Variants in OTOGL observed in about 807,000 individuals in gnomAD.
OTOGL encodes the protein otogelin-like protein.
A neutral mutation model predicts 318.5 loss-of-function variants in OTOGL; 285 were observed. That is an observed-to-expected ratio of 0.89 (90% CI 0.81 to 0.99). OTOGL has a LOEUF of 0.99. OTOGL is among the 50% of genes least tolerant of loss of function. OTOGL has a pLI of 0.00. For synonymous variants in OTOGL, 987 were observed against 936.5 expected, an observed-to-expected ratio of 1.05 and a Z score of -0.99; for missense variants, 2,899 against 2,845.6, an observed-to-expected ratio of 1.02 and a Z score of -0.43.
At chr12:80,275,615 G>A (rs1883743709) in intron 24 of OTOGL, among the ~76,000 whole-genome samples, 1 of 151,776 alleles carries the variant, frequency 6.6e-6, no homozygotes, top group Non-Finnish European at 1.5e-5. Context: ...GAAAATTTTA[G>A]GTAAAACACT....
intron 1 of OTOGL, among the ~76,000 whole-genome samples, chr12:80,181,159 G>A (rs1874891492): frequency 6.6e-6 from 1 of 152,106 alleles, no homozygotes; most frequent in African/African-American, 2.4e-5. Context: ...AATTAGTTTA[G>A]ATCCTTTGTT....
intron 26 of OTOGL, among the ~76,000 whole-genome samples, chr12:80,282,326 G>T (rs1884292351): frequency 6.6e-6 from 1 of 151,746 alleles, no homozygotes; most frequent in African/African-American, 2.4e-5. Flanking sequence ...TTTTATATTA[G>T]TTCTGTTACA....
chr12:80,127,392 A>G (rs1278947320), intron 1 of OTOGL, among the ~76,000 whole-genome samples: 3 of 152,164 alleles, frequency 2.0e-5, no homozygotes, highest in South Asian at 4.1e-4. Flanking sequence ...TGTCTTGTAG[A>G]GTTTCTGCCG....
intron 1 of OTOGL, among the ~76,000 whole-genome samples, chr12:80,132,993 T>C (rs1169079374): frequency 6.6e-6 from 1 of 152,204 alleles, no homozygotes; most frequent in Non-Finnish European, 1.5e-5. Flanking sequence ...TTACTTTTGT[T>C]TAAAAAGTGC....
intron 32 of OTOGL, among the ~76,000 whole-genome samples, chr12:80,316,187 T>C (rs150797642): frequency 6.6e-6 from 1 of 152,282 alleles, no homozygotes; most frequent in Non-Finnish European, 1.5e-5. Context: ...ATGACCTCCA[T>C]GCTACGTGGC....
chr12:80,228,791 C>A (rs1879107118), intron 7 of OTOGL, among the ~76,000 whole-genome samples: 1 of 151,700 alleles, frequency 6.6e-6, no homozygotes, highest in African/African-American at 2.4e-5. Flanking sequence ...ATGTGTCTGG[C>A]AATAAATAAA....
intron 19 of OTOGL, among the ~76,000 whole-genome samples, chr12:80,263,279 C>A (rs972019745): frequency 2.6e-5 from 4 of 152,150 alleles, no homozygotes; most frequent in African/African-American, 9.6e-5. Flanking sequence ...CCTCCTTCAA[C>A]TACTCTTGTT....
chr12:80,203,567 T>A (rs1462870900), intron 1 of OTOGL, among the ~76,000 whole-genome samples: 1 of 152,174 alleles, frequency 6.6e-6, no homozygotes, highest in Non-Finnish European at 1.5e-5. Context: ...GAACAGAAGC[T>A]GTGAGTGGGA....
In OTOGL at chr12:80,377,207, G is replaced by A. The variant is rs749053847; in HGVS notation, c.6861+5G>A. The stretch of plus-strand genomic sequence containing the variant: ...GACTGTATGAGCCAAAGCCCTGTAA[G>A]TGGAAAAATGTCATTTGCTACATAA... On this transcript the variant is annotated splice_donor_5th_base_variant and intron_variant, in intron 58 of 58. Coordinates refer to ENST00000547103, the MANE Select transcript of OTOGL (RefSeq NM_001378609.3). 2 of 1,584,384 alleles carry A rather than the reference G, an allele frequency of 1.3e-6. No homozygotes were observed. The highest frequency in any genetic ancestry group is 2.3e-5 in the East Asian group (1 of 44,340).
intron 45 of OTOGL, 84 bp downstream of exon 45, chr12:80,352,520 T>C (rs1889617040): frequency 8.6e-7 from 1 of 1,162,912 alleles, no homozygotes; most frequent in Non-Finnish European, 1.2e-6. Context: ...TTCTTTTTTA[T>C]CATGAACTAA....
At chr12:80,297,416 C>T (rs1012237417) in intron 27 of OTOGL, among the ~76,000 whole-genome samples, 3 of 151,576 alleles carry the variant, frequency 2.0e-5, no homozygotes, top group African/African-American at 4.9e-5. Context: ...ACCTCAACCT[C>T]CGCCTCCTGG....
intron 43 of OTOGL, 96 bp from the exon 44 acceptor site, chr12:80,341,852 C>A: frequency 2.4e-6 from 2 of 828,974 alleles, no homozygotes; most frequent in South Asian, 1.9e-5. Context: ...TATGGTAAAT[C>A]ATTTGTTCAT....
chr12:80,300,883 G>T (rs1228213306), intron 27 of OTOGL, among the ~76,000 whole-genome samples: 1 of 152,166 alleles, frequency 6.6e-6, no homozygotes. Flanking sequence ...TAGTCAGTGA[G>T]GGTGGGGATT....
intron 2 of OTOGL, 102 bp from the exon 3 acceptor site, chr12:80,210,745 G>C: frequency 1.1e-6 from 1 of 898,198 alleles, no homozygotes; most frequent in Non-Finnish European, 1.6e-6. Context: ...ACTTCAATCA[G>C]AATTTTAGAA....
At chr12:80,296,632 A>C (rs1281781851) in intron 26 of OTOGL, among the ~76,000 whole-genome samples, 195 bp from the exon 27 acceptor site, 1 of 152,198 alleles carries the variant, frequency 6.6e-6, no homozygotes, top group East Asian at 1.9e-4. Flanking sequence ...TAGGTGTTTA[A>C]AGATTGAGCT....
intron 9 of OTOGL, among the ~76,000 whole-genome samples, chr12:80,238,201 G>A (rs1388509593): frequency 6.6e-6 from 1 of 152,174 alleles, no homozygotes; most frequent in Non-Finnish European, 1.5e-5. Flanking sequence ...TGAGATTAAT[G>A]CTGGATTAGC....
At chr12:80,146,925 T>C (rs542271864) in intron 1 of OTOGL, among the ~76,000 whole-genome samples, 1 of 152,240 alleles carries the variant, frequency 6.6e-6, no homozygotes, top group Non-Finnish European at 1.5e-5. Context: ...CATTTTTTAT[T>C]GTATCTATTT....
chr12:80,360,496 T>C lies in OTOGL; in HGVS notation c.6267+1596T>C, dbSNP rs149293186. On this transcript the variant is annotated intron_variant, in intron 52 of 58. Transcript: ENST00000547103. ...CTCTCTCCCTCTCTCCCTCTCACTC[T>C]CCTTTCTTTCTTGTCTTGCTCTGTC... Among the ~76,000 whole-genome samples, 562 of 141,494 alleles carry C rather than the reference T, an allele frequency of 4.0e-3. 1 individual carries two copies. The highest frequency in any genetic ancestry group is 6.7e-3 in the Non-Finnish European group (434 of 65,200). 92.8% of individuals were successfully genotyped at this position (141,494 alleles called of 152,430 possible).
intron 12 of OTOGL, 22 bp from the exon 13 acceptor site, chr12:80,252,054 C>T (rs1881608782): frequency 6.7e-7 from 1 of 1,498,114 alleles, no homozygotes; most frequent in African/African-American, 1.4e-5. Flanking sequence ...TTGACTTAAG[C>T]TCCCCTGTTT....
Sources: gnomAD v4.1 joint callset for allele counts (sites outside exome capture counted in the v4.1 genomes callset) on GRCh38, gnomAD v4.1.1 for gene constraint, MANE v1.5 for transcripts, NCBI Gene and HGNC (gene_info 2026-07-23, HGNC 2026-07-21) for gene names.